The following MLLT10 variants were observed in gnomAD, a reference collection of about 807,000 sequenced individuals.
The protein encoded by MLLT10 is protein AF-10.
A neutral mutation model predicts 129.1 loss-of-function variants in MLLT10; 30 were observed. The ratio of observed to expected loss-of-function variants is 0.23; its 90% CI spans 0.17 to 0.32. The LOEUF (loss-of-function observed/expected upper bound fraction) is 0.32. Ranked by LOEUF, MLLT10 falls within the 10% of genes least tolerant of loss-of-function variation. MLLT10 has a pLI of 1.00. For missense variants in MLLT10, 1,119 were observed against 1,268.3 expected, an observed-to-expected ratio of 0.88 and a Z score of 1.79; for synonymous variants, 490 against 446.4, an observed-to-expected ratio of 1.10 and a Z score of -1.23.
intron 9 of MLLT10, 30 bp from the exon 10 acceptor site, chr10:21,670,419 T>C: frequency 6.3e-7 from 1 of 1,575,400 alleles, no homozygotes; most frequent in Middle Eastern, 1.7e-4. Flanking sequence ...ATCAACTCTT[T>C]TTCCTTCCCT....
intron 3 of MLLT10, among the ~76,000 whole-genome samples, chr10:21,566,413 C>T (rs1045851498): frequency 6.0e-5 from 9 of 151,128 alleles, no homozygotes; most frequent in African/African-American, 2.2e-4. Context: ...ACTGCAACCT[C>T]TGCCTCCCGG....
intron 13 of MLLT10, among the ~76,000 whole-genome samples, chr10:21,686,142 C>A (rs190353434): frequency 2.0e-5 from 3 of 152,226 alleles, no homozygotes; most frequent in Admixed American, 6.5e-5. Context: ...ATTAAACTTA[C>A]AATTTATTAA....
chr10:21,580,024 T>TTTTC (rs1035926339), intron 3 of MLLT10, among the ~76,000 whole-genome samples: 3 of 151,696 alleles, frequency 2.0e-5, no homozygotes, highest in Admixed American at 2.0e-4. Context: ...TTTCTTTGTT[T>TTTTC]TTTTTTTTTA....
intron 8 of MLLT10, among the ~76,000 whole-genome samples, chr10:21,624,152 T>G (rs1354270767): frequency 6.6e-6 from 1 of 152,220 alleles, no homozygotes; most frequent in African/African-American, 2.4e-5. Flanking sequence ...ATAAGAAAAC[T>G]TAAATGTGTT....
chr10:21,695,690 T>A (rs2054293295), intron 13 of MLLT10, among the ~76,000 whole-genome samples: 1 of 152,172 alleles, frequency 6.6e-6, no homozygotes, highest in African/African-American at 2.4e-5. Flanking sequence ...GTTTCCTTAT[T>A]TTGGATTGTG....
intron 3 of MLLT10, among the ~76,000 whole-genome samples, chr10:21,575,113 C>A (rs1009570666): frequency 8.5e-5 from 13 of 152,094 alleles, no homozygotes; most frequent in African/African-American, 2.9e-4. Flanking sequence ...TTTACTATTT[C>A]TTTTTTCTAC....
chr10:21,559,825 T>C (rs965536893), intron 3 of MLLT10, among the ~76,000 whole-genome samples: 5 of 152,258 alleles, frequency 3.3e-5, no homozygotes, highest in Non-Finnish European at 7.3e-5. Flanking sequence ...TTGTTATGTA[T>C]ATACCGTGTT....
chr10:21,670,601 A>G lies in MLLT10; in HGVS notation c.948A>G (p.Lys316=). Residue 316 remains lysine (K), a synonymous_variant, in exon 10 of 23, where the codon AAA becomes AAG. Transcript: ENST00000307729. ...CAGAGACTAGAGGGTCAGAGGGCAA[A>G]GGGAAGAAATCTTCAGCTCACAGCT... is the stretch of plus-strand genomic sequence containing the variant. The part of the protein sequence containing the change: ...DVSETRGSEG[K]GKKSSAHSSG... 1 of 1,614,210 alleles carries G rather than the reference A, an allele frequency of 6.2e-7. No individual in the cohort carries two copies. The highest frequency in any genetic ancestry group is 1.1e-5 in the South Asian group (1 of 91,086).
chr10:21,636,231 C>T (rs2047447739), intron 8 of MLLT10, among the ~76,000 whole-genome samples: 1 of 152,060 alleles, frequency 6.6e-6, no homozygotes, highest in Non-Finnish European at 1.5e-5. Flanking sequence ...AGCAATACTC[C>T]CACCTCAGCC....
intron 5 of MLLT10, among the ~76,000 whole-genome samples, chr10:21,609,299 A>G (rs187072041): frequency 7.2e-5 from 11 of 152,238 alleles, no homozygotes; most frequent in East Asian, 1.9e-4. Flanking sequence ...TTATTTTCCA[A>G]TCATTTCTTA....
intron 4 of MLLT10, among the ~76,000 whole-genome samples, chr10:21,593,472 T>A (rs577052211): frequency 6.6e-6 from 1 of 152,328 alleles, no homozygotes; most frequent in South Asian, 2.1e-4. Context: ...GAATTTTGTC[T>A]TGTGTGTACT....
At chr10:21,674,672 G>A (rs987896888) in intron 11 of MLLT10, among the ~76,000 whole-genome samples, 4 of 152,112 alleles carry the variant, frequency 2.6e-5, no homozygotes, top group African/African-American at 7.2e-5. Flanking sequence ...AACAGTTGAT[G>A]TTAACTGAAA....
intron 8 of MLLT10, 26 bp downstream of exon 8, chr10:21,617,233 T>C: frequency 7.6e-7 from 1 of 1,313,634 alleles, no homozygotes; most frequent in African/African-American, 1.5e-5. Context: ...GTTGCTAAAT[T>C]TGTAGCACAT....
chr10:21,644,092 C>T (rs778274762), intron 8 of MLLT10, among the ~76,000 whole-genome samples: 5 of 152,094 alleles, frequency 3.3e-5, no homozygotes, highest in Non-Finnish European at 7.3e-5. Flanking sequence ...GGTTATCTCC[C>T]TTCTTACCTT....
At chr10:21,599,234 C>G (rs1001608335) in intron 5 of MLLT10, among the ~76,000 whole-genome samples, 13 of 150,902 alleles carry the variant, frequency 8.6e-5, no homozygotes, top group Middle Eastern at 7.0e-3. Context: ...CCCAGCTACT[C>G]GGGAGGCTGA....
chr10:21,579,997 G>T (rs1383132699), intron 3 of MLLT10, among the ~76,000 whole-genome samples: 3 of 149,624 alleles, frequency 2.0e-5, no homozygotes, highest in African/African-American at 7.4e-5. Flanking sequence ...AAAATTCTTT[G>T]TTTTTTTGTT....
chr10:21,575,779 T>G (rs1359889564), intron 3 of MLLT10, among the ~76,000 whole-genome samples: 3 of 152,232 alleles, frequency 2.0e-5, no homozygotes, highest in Non-Finnish European at 4.4e-5. Context: ...TGCCTTATGC[T>G]AATTTTTGCT....
At chr10:21,550,685 C>T (rs1033621741) in intron 3 of MLLT10, among the ~76,000 whole-genome samples, 4 of 152,068 alleles carry the variant, frequency 2.6e-5, no homozygotes, top group African/African-American at 9.7e-5. Context: ...ATGGGTGCCA[C>T]CAAGCCCAGC....
At chr10:21,738,420 C>T (rs2058560461) in intron 21 of MLLT10, 3 of 1,289,010 alleles carry the variant, frequency 2.3e-6, no homozygotes, top group Non-Finnish European at 3.0e-6. Context: ...GTAGCTGTCT[C>T]ATTTCCAGAA....
Sources: gnomAD v4.1 joint callset for allele counts (sites outside exome capture counted in the v4.1 genomes callset) on GRCh38, gnomAD v4.1.1 for gene constraint, MANE v1.5 for transcripts, NCBI Gene and HGNC (gene_info 2026-07-23, HGNC 2026-07-21) for gene names.